Variants in PLEKHM2 observed in about 807,000 individuals in gnomAD.
The protein encoded by PLEKHM2 is pleckstrin homology domain-containing family M member 2.
PLEKHM2 carries 77 observed loss-of-function variants against 116.3 expected under a neutral mutation model. That is an observed-to-expected ratio of 0.66 (90% CI 0.55 to 0.80). The LOEUF (loss-of-function observed/expected upper bound fraction) is 0.80, where lower values mean the gene tolerates loss of function less well. Among genes scored for constraint, PLEKHM2 ranks in the 30% least tolerant of loss-of-function variants. PLEKHM2 has a pLI of 0.00. For synonymous variants in PLEKHM2, 562 were observed against 571.0 expected (o/e 0.98, Z 0.22); for missense variants, 1,183 against 1,354.9 (o/e 0.87, Z 1.99).
At chr1:15,683,555 T>G (rs1640690532), upstream of PLEKHM2, among the ~76,000 whole-genome samples, 2 of 126,664 alleles carry the variant, frequency 1.6e-5, no homozygotes, top group African/African-American at 3.1e-5. Context: ...CCAGAGTCCT[T>G]GGGGCCTGTG....
In PLEKHM2 at chr1:15,729,969, T is replaced by A; in HGVS notation, c.2208+40T>A. The A allele has an allele frequency of 6.6e-7, 1 of 1,525,072 alleles. No homozygotes were observed. The allele number at this position is 1,525,072 out of a possible 1,614,324, so 94.5% of individuals were successfully genotyped here. A position where few individuals can be genotyped will look rare whatever the true frequency, so the allele number is the denominator to read the frequency against. On this transcript the variant is annotated intron_variant, in intron 14 of 19. Transcript: ENST00000375799. This position sits in a 1 kb window ranked among gnomAD's most constrained non-coding sequence, Gnocchi z 4.7. The stretch of plus-strand genomic sequence containing the variant: ...AGGAAGCTGAGTGCAGCCCCTGAGA[T>A]GGCAGAGCAGCAGCCGCCTTGGCGT...
intron 8 of PLEKHM2, among the ~76,000 whole-genome samples, chr1:15,726,715 C>T (rs943416178): frequency 1.3e-5 from 2 of 152,186 alleles, no homozygotes; most frequent in African/African-American, 4.8e-5. Context: ...GTGCAGCTAG[C>T]TCAGCTGTTC....
rs141012896 is a variant in PLEKHM2 at position 15,725,999 on chromosome 1, G to T, written c.941+454G>T. ...CCACCCCCTGATACCATCACATTGGGAGTTAGGATTTCAACACAGGAATCT... is the reference window on the plus strand; with the variant it reads ...CCACCCCCTGATACCATCACATTGGTAGTTAGGATTTCAACACAGGAATCT... On this transcript the variant is annotated intron_variant, in intron 8 of 19. Coordinates refer to ENST00000375799, the MANE Select transcript of PLEKHM2 (RefSeq NM_015164.4). The T allele has an allele frequency of 4.7e-4, 79 of 169,728 alleles. 1 individual carries two copies. In the East Asian group the frequency reaches 7.2e-3, roughly 16 times the overall value. 10.5% of individuals were successfully genotyped at this position (169,728 alleles called of 1,614,324 possible). A position where few individuals can be genotyped will look rare whatever the true frequency, so the allele number is the denominator to read the frequency against.
At chr1:15,731,352 C>A in intron 16 of PLEKHM2, 95 bp downstream of exon 16, 1 of 946,356 alleles carries the variant, frequency 1.1e-6, no homozygotes, top group Non-Finnish European at 1.7e-6. Flanking sequence ...TCAGCCTCGC[C>A]CTCAACCCCA....
Position 15,721,251 on chromosome 1 carries a change from C to A in PLEKHM2, c.653-78C>A, listed in dbSNP as rs1326118293. 6 of 784,706 alleles carry A rather than the reference C, an allele frequency of 7.6e-6. No individual in the cohort carries two copies. The African/African-American group carries it at 8.7e-5, about 11-fold the overall frequency. The allele number at this position is 784,706 out of a possible 1,614,324, so 48.6% of individuals were successfully genotyped here. On this transcript the variant is annotated intron_variant, in intron 6 of 19. Coordinates refer to ENST00000375799, the MANE Select transcript of PLEKHM2 (RefSeq NM_015164.4). The surrounding 1 kb of genome is among the most constrained non-coding windows in gnomAD (Gnocchi z 5.1). The stretch of plus-strand genomic sequence containing the variant: ...TATTTTCTCCCCATGTCTCCCACCC[C>A]ATTTCCCCTCCCCTCCCTCCAGTCA...
At chr1:15,693,073 C>G (rs1279272022) in intron 1 of PLEKHM2, among the ~76,000 whole-genome samples, 2 of 136,456 alleles carry the variant, frequency 1.5e-5, no homozygotes, top group Admixed American at 7.7e-5. Context: ...CAAAGTCTCT[C>G]TCCGTTGCCC....
chr1:15,720,040 T>A, intron 6 of PLEKHM2, 120 bp downstream of exon 6: 1 of 753,262 alleles, frequency 1.3e-6, no homozygotes, highest in Non-Finnish European at 2.1e-6. Context: ...AATTTGCAAT[T>A]AAACAGGGCT....
Position 15,729,982 on chromosome 1 carries a change from G to T in PLEKHM2, c.2208+53G>T, listed in dbSNP as rs990140662. ...CAGCCCCTGAGATGGCAGAGCAGCAGCCGCCTTGGCGTGAGCGTTAAGGGA... is the reference window on the plus strand; with the variant it reads ...CAGCCCCTGAGATGGCAGAGCAGCATCCGCCTTGGCGTGAGCGTTAAGGGA... On this transcript the variant is annotated intron_variant, in intron 14 of 19. Transcript: ENST00000375799. The surrounding 1 kb of genome is among the most constrained non-coding windows in gnomAD (Gnocchi z 4.7). 13 of 1,500,808 alleles carry T rather than the reference G, an allele frequency of 8.7e-6. No homozygotes were observed. In the African/African-American group the frequency reaches 1.8e-4, roughly 21 times the overall value. The allele number at this position is 1,500,808 out of a possible 1,614,324, so 93.0% of individuals were successfully genotyped here. A position where few individuals can be genotyped will look rare whatever the true frequency, so the allele number is the denominator to read the frequency against.
In PLEKHM2 at chr1:15,725,415, C is replaced by T. The variant is rs1204143760; in HGVS notation, c.811C>T (p.Pro271Ser). ...CAGGAGCCCCACCCAGCGCCAGAAC[C>T]CCTTCAACGAGGAGCCGGCAGAGAC... ...STRSPTQRQNPFNEEPAETVS... is the reference protein window; with the variant it reads ...STRSPTQRQNSFNEEPAETVS... Residue 271 changes from proline to serine, a missense_variant, in exon 8 of 20, where the codon CCC (proline) becomes TCC (serine). By Grantham distance (74) the Pro-to-Ser change is moderately conservative. Around this residue, in one of 3 missense-constraint regions of PLEKHM2, gnomAD observed 372 missense variants for 357.2 expected, o/e 1.04. Coordinates refer to ENST00000375799, the MANE Select transcript of PLEKHM2 (RefSeq NM_015164.4). 6.4e-7 allele frequency: 1 copy of T among 1,555,648 alleles called. No individual in the cohort carries two copies. The highest frequency in any genetic ancestry group is 1.4e-5 in the African/African-American group (1 of 73,162).
At chr1:15,682,849 G>C (rs1640676072), upstream of PLEKHM2, 1 of 152,190 alleles carries the variant, frequency 6.6e-6, no homozygotes, top group Admixed American at 6.5e-5. Context: ...TGGGGTGTCT[G>C]AGAATAAAAA....
intron 18 of PLEKHM2, 21 bp downstream of exon 18, chr1:15,732,550 G>A: frequency 1.2e-6 from 2 of 1,606,626 alleles, no homozygotes; most frequent in South Asian, 2.2e-5. Context: ...AGTGGGGGCG[G>A]GGCTGCAAGG....
chr1:15,732,103 C>G, intron 17 of PLEKHM2, 55 bp downstream of exon 17: 3 of 1,521,124 alleles, frequency 2.0e-6, no homozygotes, highest in Non-Finnish European at 2.7e-6. Flanking sequence ...ACCCAGACCC[C>G]CAGGGTCCCA....
chr1:15,730,744 G>A (rs1301707752), intron 15 of PLEKHM2, 22 bp downstream of exon 15: 1 of 1,571,876 alleles, frequency 6.4e-7, no homozygotes, highest in Non-Finnish European at 8.6e-7. Context: ...GGCAGCTCTA[G>A]GCCTGGGGCT....
chr1:15,701,950 CG>C (rs956229878), intron 1 of PLEKHM2, among the ~76,000 whole-genome samples: 1 of 152,082 alleles, frequency 6.6e-6, no homozygotes, highest in Non-Finnish European at 1.5e-5. Flanking sequence ...GATGCAAGCT[CG>C]GGGGGGTAGT....
chr1:15,695,751 G>C (rs1228435129), intron 1 of PLEKHM2, among the ~76,000 whole-genome samples: 1 of 152,008 alleles, frequency 6.6e-6, no homozygotes, highest in Non-Finnish European at 1.5e-5. Flanking sequence ...TGATCTGCCC[G>C]CCTCAGCCTC....
intron 1 of PLEKHM2, among the ~76,000 whole-genome samples, chr1:15,706,530 C>T (rs529036705): frequency 3.3e-5 from 5 of 152,254 alleles, no homozygotes; most frequent in Admixed American, 6.5e-5. Context: ...CTCAGCCTCC[C>T]GAGTAGCTGG....
chr1:15,693,542 G>A (rs1348096067), intron 1 of PLEKHM2, among the ~76,000 whole-genome samples: 2 of 152,214 alleles, frequency 1.3e-5, no homozygotes, highest in Non-Finnish European at 2.9e-5. Flanking sequence ...AGGCCAGGCA[G>A]AAACTCACTG....
At position 15,730,634 on chromosome 1, in the gene PLEKHM2, A is replaced by C; in HGVS notation, c.2311A>C (p.Thr771Pro). Reference protein sequence around the residue: ...TPCHCSPPEGTITKEGMLHYK... With the variant: ...TPCHCSPPEGPITKEGMLHYK... ...CTGCCACTGCTCACCCCCCGAGGGC[A>C]CCATCACCAAAGAAGGCATGCTGCA... The change falls in exon 15 of 20, where the codon ACC becomes CCC. Residue 771 changes from threonine (T) to proline (P), a missense_variant. By Grantham distance (38) the Thr-to-Pro change is conservative. Coordinates refer to ENST00000375799, the MANE Select transcript of PLEKHM2 (RefSeq NM_015164.4). 6.2e-7 allele frequency: 1 copy of C among 1,609,418 alleles called. No individual in the cohort carries two copies. Among genetic ancestry groups the C allele is most frequent in the Non-Finnish European group, 8.5e-7 (1 of 1,178,234 alleles).
intron 1 of PLEKHM2, among the ~76,000 whole-genome samples, chr1:15,704,028 AT>A (rs1557646111): frequency 6.6e-6 from 1 of 152,082 alleles, no homozygotes. Flanking sequence ...ATGTTTAAAA[AT>A]TTACCTTAAA....
Sources: gnomAD v4.1 joint callset for allele counts (sites outside exome capture counted in the v4.1 genomes callset) on GRCh38, gnomAD v4.1.1 for gene constraint, gnomAD v4.1.1 regional missense constraint, Gnocchi (gnomAD v3.1) non-coding constraint, MANE v1.5 for transcripts, NCBI Gene and HGNC (gene_info 2026-07-23, HGNC 2026-07-21) for gene names.